ZNF844: variants seen among roughly 807,000 people sequenced by gnomAD.
ZNF844 encodes the protein zinc finger protein 844.
A neutral mutation model predicts 11.4 loss-of-function variants in ZNF844; 11 were observed. The observed-to-expected ratio is 0.97, with a 90% confidence interval of 0.61 to 1.60. ZNF844 has a LOEUF of 1.60. ZNF844 is among the 40% of genes most tolerant of loss of function. The probability of loss-of-function intolerance (pLI) is 0.00; values close to 1 mark genes in which losing one functional copy is unlikely to be tolerated. For missense variants in ZNF844, 790 were observed against 796.8 expected (o/e 0.99, Z 0.10); for synonymous variants, 248 against 260.3 (o/e 0.95, Z 0.46).
rs1784831833 is a variant in ZNF844 at position 12,064,814 on chromosome 19, G to T, written c.-60G>T. 9 of 1,543,208 alleles carry T rather than the reference G, an allele frequency of 5.8e-6. No homozygotes were observed. Among genetic ancestry groups the T allele is most frequent in the Non-Finnish European group, 7.9e-6 (9 of 1,142,944 alleles). On this transcript the variant is annotated 5_prime_UTR_variant, in exon 1 of 4. Coordinates refer to ENST00000439326, the MANE Select transcript of ZNF844 (RefSeq NM_001136501.3). ...GACCGGTTGCCACCGCCATACTTCT[G>T]TCGCCCTGTCGTCTGTGTTGTGACT...
chr19:12,074,233 G>C, intron 2 of ZNF844, 76 bp downstream of exon 2: 3 of 1,595,048 alleles, frequency 1.9e-6, no homozygotes, highest in South Asian at 2.2e-5. Flanking sequence ...CCTTGATTTG[G>C]AATATGGACA....
At chr19:12,066,662 T>C (rs1975692591) in intron 1 of ZNF844, among the ~76,000 whole-genome samples, 1 of 148,532 alleles carries the variant, frequency 6.7e-6, no homozygotes, top group African/African-American at 2.5e-5. Context: ...TTCTCCTGCC[T>C]CAGCCTCCGG....
chr19:12,065,636 ATT>A (rs35958243), intron 1 of ZNF844, among the ~76,000 whole-genome samples: 1,741 of 142,794 alleles, frequency 0.012, 40 homozygotes, highest in African/African-American at 0.04. Flanking sequence ...TTTTCTTACA[ATT>A]TTTTTTTTTT....
In ZNF844 at chr19:12,077,559, C is replaced by T; in HGVS notation, c.*438C>T. The T allele has an allele frequency of 1.7e-6, 1 of 601,194 alleles. No homozygotes were observed. 37.2% of individuals were successfully genotyped at this position (601,194 alleles called of 1,614,324 possible). A position where few individuals can be genotyped will look rare whatever the true frequency, so the allele number is the denominator to read the frequency against. On this transcript the variant is annotated 3_prime_UTR_variant, in exon 4 of 4. Transcript: ENST00000439326. Reference sequence around the variant, plus strand: ...TGGAGAGAAACCCTATGAATGTAAGCAGTGTGGTAAAGCCTTCAGATCTGC... The same window carrying T: ...TGGAGAGAAACCCTATGAATGTAAGTAGTGTGGTAAAGCCTTCAGATCTGC...
intron 1 of ZNF844, among the ~76,000 whole-genome samples, chr19:12,069,057 C>T (rs1975722776): frequency 6.6e-6 from 1 of 152,108 alleles, no homozygotes; most frequent in East Asian, 1.9e-4. Flanking sequence ...GATCCACAGG[C>T]AGATGCAGCG....
chr19:12,065,396 A>T (rs923157084), intron 1 of ZNF844, among the ~76,000 whole-genome samples: 6 of 152,090 alleles, frequency 3.9e-5, no homozygotes, highest in African/African-American at 1.4e-4. Context: ...GAGCTTGGCA[A>T]CTGCTGTCGT....
chr19:12,077,953 T>C lies in ZNF844; in HGVS notation c.*832T>C, dbSNP rs111323668. On this transcript the variant is annotated 3_prime_UTR_variant, in exon 4 of 4. Transcript: ENST00000439326. ...ACGCCATTCTCCTGCCTCAGTCTCCTGAGTAGCTGGGACTACAGGTGCCTG... is the reference window on the plus strand; with the variant it reads ...ACGCCATTCTCCTGCCTCAGTCTCCCGAGTAGCTGGGACTACAGGTGCCTG... 23,598 of 182,852 alleles carry C rather than the reference T, an allele frequency of 0.13. 2,421 individuals carry two copies. The highest frequency in any genetic ancestry group is 0.31 in the African/African-American group (12,655 of 41,442). The allele number at this position is 182,852 out of a possible 1,614,324, so 11.3% of individuals were successfully genotyped here.
chr19:12,065,323 GC>G lies in ZNF844; in HGVS notation c.3+449del, dbSNP rs1975676244. On this transcript the variant is annotated intron_variant, in intron 1 of 3. Coordinates refer to ENST00000439326, the MANE Select transcript of ZNF844 (RefSeq NM_001136501.3). The stretch of plus-strand genomic sequence containing the variant: ...TGGGAATAGAGGCGTGAGCCACCGC[GC>G]CTGGCCTAGCGTGGAGAACTTGTGA... Among the ~76,000 whole-genome samples, 3 of 152,118 alleles carry G rather than the reference GC, an allele frequency of 2.0e-5. No homozygotes were observed. In the South Asian group the frequency reaches 6.2e-4, roughly 32 times the overall value.
chr19:12,075,300 C>A lies in ZNF844; in HGVS notation c.192-12C>A. ...AACAAACCTTCAATAATGTGTTTCT[C>A]ATTTTTCACAGAAGTCTTCTGGGAG... is the stretch of plus-strand genomic sequence containing the variant. On this transcript the variant is annotated splice_polypyrimidine_tract_variant and intron_variant, in intron 3 of 3. Transcript: ENST00000439326. The A allele has an allele frequency of 7.2e-7, 1 of 1,383,240 alleles. No individual in the cohort carries two copies. The highest frequency in any genetic ancestry group is 1.9e-5 in the South Asian group (1 of 53,380). 85.7% of individuals were successfully genotyped at this position (1,383,240 alleles called of 1,614,324 possible). A position where few individuals can be genotyped will look rare whatever the true frequency, so the allele number is the denominator to read the frequency against.
chr19:12,076,270 G>C lies in ZNF844; in HGVS notation c.1150G>C (p.Glu384Gln). 6.2e-7 allele frequency: 1 copy of C among 1,613,300 alleles called. No homozygotes were observed. Among genetic ancestry groups the C allele is most frequent in the Non-Finnish European group, 8.5e-7 (1 of 1,179,636 alleles). The change falls in exon 4 of 4, where the codon GAA (glutamate) becomes CAA (glutamine). Residue 384 changes from glutamate to glutamine, a missense_variant. Glu to Gln is a conservative substitution (Grantham distance 29). This residue lies in a region of ZNF844 where 657 missense variants were observed against 636.2 expected (regional missense o/e 1.03). Transcript: ENST00000439326. ...CCCAGTTCGTTTTGAAGACATGAAA[G>C]AACTCACACTGGAGAGAAACCTTAT... ...ILPVRFEDMK[E>Q]LTLERNLMNA...
intron 3 of ZNF844, 65 bp downstream of exon 3, chr19:12,074,486 A>C: frequency 8.8e-7 from 1 of 1,132,916 alleles, no homozygotes; most frequent in Non-Finnish European, 1.3e-6. Context: ...AGAATATGTT[A>C]AGAAGAAGCA....
At chr19:12,066,636 T>TC (rs1359262131) in intron 1 of ZNF844, among the ~76,000 whole-genome samples, 2 of 142,820 alleles carry the variant, frequency 1.4e-5, no homozygotes, top group Non-Finnish European at 3.0e-5. Flanking sequence ...AAGCTCTGCC[T>TC]CCCGGGTTCA....
intron 3 of ZNF844, among the ~76,000 whole-genome samples, chr19:12,074,851 A>C (rs1975789433): frequency 6.6e-6 from 1 of 152,236 alleles, no homozygotes; most frequent in Non-Finnish European, 1.5e-5. Flanking sequence ...CCCTGACTCA[A>C]GAAAATGATA....
chr19:12,073,076 G>A (rs989746323), intron 1 of ZNF844, among the ~76,000 whole-genome samples: 1 of 151,964 alleles, frequency 6.6e-6, no homozygotes, highest in Non-Finnish European at 1.5e-5. Flanking sequence ...TTAAGAGTGG[G>A]TGCACTGGAG....
In ZNF844 at chr19:12,081,029, A is replaced by G. The variant is rs1000260636; in HGVS notation, c.*3908A>G. 1 of 152,294 alleles carries G rather than the reference A, an allele frequency of 6.6e-6. No homozygotes were observed. The highest frequency in any genetic ancestry group is 2.4e-5 in the African/African-American group (1 of 41,456). 9.4% of individuals were successfully genotyped at this position (152,294 alleles called of 1,614,324 possible). On this transcript the variant is annotated 3_prime_UTR_variant, in exon 4 of 4. Transcript: ENST00000439326. ...CTTGGCCTTTCAAAATGCTGGGATT[A>G]TAGGCGTGATCCACTGTGCCTGGCC...
At chr19:12,074,950 T>A (rs1203066675) in intron 3 of ZNF844, among the ~76,000 whole-genome samples, 5 of 152,208 alleles carry the variant, frequency 3.3e-5, no homozygotes, top group Non-Finnish European at 5.9e-5. Flanking sequence ...ATATGATTTT[T>A]AAAAATAATA....
At chr19:12,075,191 C>G (rs1975793343) in intron 3 of ZNF844, 121 bp from the exon 4 acceptor site, 2 of 712,152 alleles carry the variant, frequency 2.8e-6, no homozygotes, top group Non-Finnish European at 3.7e-6. Flanking sequence ...TACCCTAAAA[C>G]TTAAAGTATA....
At chr19:12,073,447 C>T (rs540358222) in intron 1 of ZNF844, among the ~76,000 whole-genome samples, 13 of 152,248 alleles carry the variant, frequency 8.5e-5, no homozygotes, top group South Asian at 4.1e-4. Context: ...TGAGCCACCG[C>T]GCCCGGCCCA....
At position 12,078,907 on chromosome 19, in the gene ZNF844, T is replaced by G. The variant is rs1327688736; in HGVS notation, c.*1786T>G. ...GCTCTGTCGCTGAGGCTGAGAACAG[T>G]GGTTCCATCTCTGTTCACTGCCACC... On this transcript the variant is annotated 3_prime_UTR_variant, in exon 4 of 4. Transcript: ENST00000439326. The G allele has an allele frequency of 6.6e-6, 1 of 152,128 alleles. No homozygotes were observed. The highest frequency in any genetic ancestry group is 2.4e-5 in the African/African-American group (1 of 41,392). 9.4% of individuals were successfully genotyped at this position (152,128 alleles called of 1,614,324 possible).
Sources: gnomAD v4.1 joint callset for allele counts (sites outside exome capture counted in the v4.1 genomes callset) on GRCh38, gnomAD v4.1.1 for gene constraint, gnomAD v4.1.1 regional missense constraint, MANE v1.5 for transcripts, NCBI Gene and HGNC (gene_info 2026-07-23, HGNC 2026-07-21) for gene names.